The following RALYL variants were observed in gnomAD, a reference collection of about 807,000 sequenced individuals.
RALYL encodes the protein RALY RNA binding protein like, also known as RNA-binding Raly-like protein.
A neutral mutation model predicts 35.1 loss-of-function variants in RALYL; 29 were observed. The observed-to-expected ratio is 0.83, with a 90% CI of 0.61 to 1.13. RALYL has a LOEUF of 1.13. RALYL is among the 50% of genes most tolerant of loss of function. The pLI is 0.00. For synonymous variants in RALYL, 120 were observed against 127.6 expected (o/e 0.94, Z 0.40); for missense variants, 359 against 360.4 (o/e 1.00, Z 0.03).
At chr8:84,768,581 G>T (rs2133480913) in intron 2 of RALYL, among the ~76,000 whole-genome samples, 1 of 152,274 alleles carries the variant, frequency 6.6e-6, no homozygotes, top group South Asian at 2.1e-4. Context: ...AAAGCCCAGG[G>T]TAAGTTCAAA....
At chr8:84,652,345 A>G (rs1043416839) in intron 2 of RALYL, among the ~76,000 whole-genome samples, 3 of 152,034 alleles carry the variant, frequency 2.0e-5, no homozygotes, top group Admixed American at 2.0e-4. Context: ...GATTGGTATG[A>G]TTTTAGTTAA....
chr8:84,589,756 GA>G (rs1450260962), intron 2 of RALYL, among the ~76,000 whole-genome samples: 1 of 152,148 alleles, frequency 6.6e-6, no homozygotes, highest in Non-Finnish European at 1.5e-5. Flanking sequence ...CATTTTAAGA[GA>G]AGAGCAATAA....
intron 1 of RALYL, among the ~76,000 whole-genome samples, chr8:84,251,970 A>C (rs1830284259): frequency 6.6e-6 from 1 of 151,706 alleles, no homozygotes; most frequent in Non-Finnish European, 1.5e-5. Flanking sequence ...TTGAACCTAT[A>C]TTTCTCTATT....
At chr8:84,680,488 C>A (rs1473644021) in intron 2 of RALYL, among the ~76,000 whole-genome samples, 1 of 152,186 alleles carries the variant, frequency 6.6e-6, no homozygotes, top group East Asian at 1.9e-4. Context: ...GTTCCTATTT[C>A]TCCACATCCT....
chr8:84,893,945 A>T (rs1844305904), intron 8 of RALYL, among the ~76,000 whole-genome samples: 2 of 152,226 alleles, frequency 1.3e-5, no homozygotes, highest in South Asian at 4.1e-4. Context: ...GCTGAGTACT[A>T]CGTTGTAATA....
chr8:84,362,499 A>G, intron 1 of RALYL, among the ~76,000 whole-genome samples: 1 of 152,062 alleles, frequency 6.6e-6, no homozygotes, highest in Non-Finnish European at 1.5e-5. Context: ...GAGGCAAGCG[A>G]GCATTACCCA....
chr8:84,371,951 A>G (rs190042875), intron 1 of RALYL, among the ~76,000 whole-genome samples: 1 of 152,022 alleles, frequency 6.6e-6, no homozygotes, highest in East Asian at 1.9e-4. Context: ...CAGCCCGCTA[A>G]TAAAACACTC....
At chr8:84,535,782 A>G (rs2135114925) in intron 2 of RALYL, among the ~76,000 whole-genome samples, 1 of 151,926 alleles carries the variant, frequency 6.6e-6, no homozygotes, top group South Asian at 2.1e-4. Context: ...CGCATCCCTG[A>G]CTTCTACCTG....
intron 2 of RALYL, among the ~76,000 whole-genome samples, chr8:84,688,897 G>T (rs1005927420): frequency 1.3e-5 from 2 of 151,884 alleles, no homozygotes; most frequent in Non-Finnish European, 2.9e-5. Flanking sequence ...ATTAAGAAAT[G>T]GTTAAAGGGA....
chr8:84,447,460 T>C (rs923752091), intron 1 of RALYL, among the ~76,000 whole-genome samples: 4 of 152,110 alleles, frequency 2.6e-5, no homozygotes, highest in Middle Eastern at 3.4e-3. Flanking sequence ...AGGCCCACAG[T>C]GTGTGGCCCA....
At chr8:84,469,392 G>C (rs1429950955) in intron 1 of RALYL, among the ~76,000 whole-genome samples, 1 of 152,104 alleles carries the variant, frequency 6.6e-6, no homozygotes, top group Admixed American at 6.5e-5. Flanking sequence ...GTCTGTTGGA[G>C]TACCCTGCCG....
chr8:84,393,588 C>T (rs971981312), intron 1 of RALYL, among the ~76,000 whole-genome samples: 1 of 152,198 alleles, frequency 6.6e-6, no homozygotes, highest in Admixed American at 6.6e-5. Flanking sequence ...CTAAAGGCTA[C>T]TTACCACTAG....
intron 1 of RALYL, among the ~76,000 whole-genome samples, chr8:84,374,078 A>G (rs1453331771): frequency 6.6e-6 from 1 of 152,016 alleles, no homozygotes; most frequent in South Asian, 2.1e-4. Context: ...ACTTTGTTGA[A>G]GTTGTTTATC....
chr8:84,320,405 T>TGTGCATATATGTGTGTATGTGTATATAC (rs1209054176), intron 1 of RALYL, among the ~76,000 whole-genome samples: 2 of 151,936 alleles, frequency 1.3e-5, no homozygotes, highest in African/African-American at 2.4e-5. Flanking sequence ...TATATACACT[T>TGTGCATATATGTGTGTATGTGTATATAC]GTGCATATAT....
intron 1 of RALYL, among the ~76,000 whole-genome samples, chr8:84,277,548 A>G (rs975180471): frequency 6.6e-6 from 1 of 152,186 alleles, no homozygotes; most frequent in African/African-American, 2.4e-5. Flanking sequence ...CATTAACTCA[A>G]AAGTCCACAG....
chr8:84,188,340 T>C (rs1354236430), intron 1 of RALYL, among the ~76,000 whole-genome samples: 1 of 152,070 alleles, frequency 6.6e-6, no homozygotes, highest in Non-Finnish European at 1.5e-5. Flanking sequence ...TTAATTTTAT[T>C]CTTCAAATTT....
At chr8:84,308,179 A>T (rs1842172460) in intron 1 of RALYL, among the ~76,000 whole-genome samples, 4 of 152,170 alleles carry the variant, frequency 2.6e-5, no homozygotes, top group Admixed American at 2.0e-4. Flanking sequence ...AAAGGAACAT[A>T]AAAGACAAAG....
chr8:84,573,303 C>T (rs76051099), intron 2 of RALYL, among the ~76,000 whole-genome samples: 3,167 of 151,558 alleles, frequency 0.021, 103 homozygotes, highest in African/African-American at 0.071. Flanking sequence ...CTATTTTGTC[C>T]TCATTTTAAG....
chr8:84,202,662 G>A (rs978717357), intron 1 of RALYL, among the ~76,000 whole-genome samples: 15 of 152,144 alleles, frequency 9.9e-5, no homozygotes, highest in East Asian at 9.7e-4. Context: ...GTGAGCCACC[G>A]TGCCCAGCCC....
Sources: allele counts gnomAD v4.1 joint callset (sites outside exome capture counted in the v4.1 genomes callset), GRCh38; gene constraint gnomAD v4.1.1; transcripts MANE v1.5; gene names NCBI Gene and HGNC (gene_info 2026-07-23, HGNC 2026-07-21).